The following DCP1B variants were observed in gnomAD, a reference collection of about 807,000 sequenced individuals.
DCP1B encodes the protein mRNA-decapping enzyme 1B.
DCP1B carries 47 observed loss-of-function variants against 60.5 expected under a neutral mutation model. The observed-to-expected ratio is 0.78, with a 90% CI of 0.61 to 0.99. DCP1B has a LOEUF of 0.99. Ranked by LOEUF, DCP1B falls within the 50% of genes least tolerant of loss-of-function variation. The pLI, the probability that DCP1B is intolerant of heterozygous loss-of-function variation, is 0.00. For synonymous variants in DCP1B, 267 were observed against 280.3 expected (o/e 0.95, Z 0.47); for missense variants, 725 against 756.8 (o/e 0.96, Z 0.49).
At chr12:1,987,581 T>A (rs1419352216) in intron 3 of DCP1B, among the ~76,000 whole-genome samples, 1 of 152,168 alleles carries the variant, frequency 6.6e-6, no homozygotes, top group Admixed American at 6.5e-5. Flanking sequence ...CTTTCTGCTC[T>A]CCATTTATTT....
intron 7 of DCP1B, 26 bp from the exon 8 acceptor site, chr12:1,949,360 A>AG: frequency 6.2e-7 from 1 of 1,607,782 alleles, no homozygotes; most frequent in Non-Finnish European, 8.5e-7. Context: ...ACACACAGAG[A>AG]GCGGGGTTCA....
intron 5 of DCP1B, among the ~76,000 whole-genome samples, chr12:1,964,648 A>G (rs1030247902): frequency 6.6e-6 from 1 of 152,170 alleles, no homozygotes; most frequent in Non-Finnish European, 1.5e-5. Context: ...AATGGCTACC[A>G]GTTGCCCCAA....
At chr12:1,974,202 T>C (rs536792020) in intron 3 of DCP1B, among the ~76,000 whole-genome samples, 2 of 152,124 alleles carry the variant, frequency 1.3e-5, no homozygotes, top group African/African-American at 2.4e-5. Context: ...ATTGCTAATA[T>C]CAATAATTAT....
Position 1,962,669 on chromosome 12 carries a change from AACACAAAATGAAT to A in DCP1B, c.522+2876_522+2888del, listed in dbSNP as rs755172329. Among the ~76,000 whole-genome samples the A allele has an allele frequency of 9.2e-5, 14 of 152,156 alleles. No individual in the cohort carries two copies. Among genetic ancestry groups the A allele is most frequent in the Non-Finnish European group, 1.8e-4 (12 of 68,032 alleles). On this transcript the variant is annotated intron_variant, in intron 5 of 8. Transcript: ENST00000280665. The surrounding 1 kb of genome is among the most constrained non-coding windows in gnomAD (Gnocchi z 4.4). ...TTAATGACTTTTGAAGAATTAAAAA[AACACAAAATGAAT>A]ACAGAATAGTTACTGTCTGAAGCTG... is the stretch of plus-strand genomic sequence containing the variant.
In DCP1B at chr12:1,971,223, TAA is replaced by T; in HGVS notation, c.320-3315_320-3314del. ...GGAGGTAAGAAACCCTAAAGTGAAA[TAA>T]AGAGTAGGAAGAACATGTTGAAATT... On this transcript the variant is annotated intron_variant, in intron 3 of 8. Transcript: ENST00000280665. The surrounding 1 kb of genome is among the most constrained non-coding windows in gnomAD (Gnocchi z 4.2). The T allele has an allele frequency of 7.9e-7, 1 of 1,258,822 alleles. No individual in the cohort carries two copies. Among genetic ancestry groups the T allele is most frequent in the Non-Finnish European group, 1.0e-6 (1 of 961,742 alleles). The allele number at this position is 1,258,822 out of a possible 1,614,324, so 78.0% of individuals were successfully genotyped here.
At chr12:1,996,436 T>C (rs1003959098) in intron 2 of DCP1B, among the ~76,000 whole-genome samples, 11 of 151,864 alleles carry the variant, frequency 7.2e-5, no homozygotes, top group African/African-American at 2.2e-4. Context: ...ATTCTTCCTG[T>C]TGAGACTGCC....
intron 6 of DCP1B, among the ~76,000 whole-genome samples, chr12:1,953,562 TCA>T (rs925572865): frequency 3.9e-5 from 6 of 152,172 alleles, no homozygotes; most frequent in African/African-American, 1.4e-4. Context: ...GCCTGGGGTT[TCA>T]CAGATTGGGA....
In DCP1B at chr12:1,946,105, A is replaced by T. The variant is rs2429179; in HGVS notation, c.*101T>A. 3.9e-3 allele frequency: 3,622 copies of T among 926,070 alleles called. 83 individuals carry two copies. The African/African-American group carries it at 0.061, about 16-fold the overall frequency. The allele number at this position is 926,070 out of a possible 1,614,324, so 57.4% of individuals were successfully genotyped here. A position where few individuals can be genotyped will look rare whatever the true frequency, so the allele number is the denominator to read the frequency against. ...TTCATATTACACATACTTTTTTTTT[A>T]AAAAAGGCAGAAACATTGAAGGAAA... On this transcript the variant is annotated 3_prime_UTR_variant, in exon 9 of 9. Transcript: ENST00000280665.
At position 1,949,017 on chromosome 12, in the gene DCP1B, A is replaced by G. The variant is rs2429182; in HGVS notation, c.1773+69T>C. Reference sequence around the variant, plus strand: ...CTAAGCAGGCCTTGGCTGAGTCTTTATCTCATAGTTGCAGCCAGGAGGCCA... The same window carrying G: ...CTAAGCAGGCCTTGGCTGAGTCTTTGTCTCATAGTTGCAGCCAGGAGGCCA... On this transcript the variant is annotated intron_variant, in intron 8 of 8. Transcript: ENST00000280665. 5,102 of 1,569,538 alleles carry G rather than the reference A, an allele frequency of 3.3e-3. 118 individuals are homozygous for G. The African/African-American group carries it at 0.058, about 18-fold the overall frequency.
At chr12:1,960,609 A>G (rs537683083) in intron 5 of DCP1B, among the ~76,000 whole-genome samples, 1 of 152,368 alleles carries the variant, frequency 6.6e-6, no homozygotes, top group South Asian at 2.1e-4. Context: ...GCACCCTATA[A>G]TATACATGCA....
rs2032050587 is a variant in DCP1B, at chr12:1,971,048, A to G, written c.320-3138T>C. ...TTTAAAAATCAACCAATTAATATAC[A>G]TCTGGAAATTCACAATGCTTCGAGC... On this transcript the variant is annotated intron_variant, in intron 3 of 8. Coordinates refer to ENST00000280665, the MANE Select transcript of DCP1B (RefSeq NM_152640.5). The surrounding 1 kb of genome is among the most constrained non-coding windows in gnomAD (Gnocchi z 4.2). The G allele has an allele frequency of 7.8e-7, 1 of 1,280,986 alleles. No homozygotes were observed. Among genetic ancestry groups the G allele is most frequent in the Non-Finnish European group, 1.0e-6 (1 of 983,750 alleles). 79.4% of individuals were successfully genotyped at this position (1,280,986 alleles called of 1,614,324 possible). A position where few individuals can be genotyped will look rare whatever the true frequency, so the allele number is the denominator to read the frequency against.
intron 8 of DCP1B, among the ~76,000 whole-genome samples, chr12:1,946,618 GAC>G (rs1411789113): frequency 2.0e-5 from 3 of 152,244 alleles, no homozygotes; most frequent in Non-Finnish European, 4.4e-5. Flanking sequence ...AGCCCCAGCA[GAC>G]AGAGGAGTTA....
At chr12:1,952,319 G>A (rs1197526811) in intron 7 of DCP1B, 97 bp downstream of exon 7, 24 of 1,402,640 alleles carry the variant, frequency 1.7e-5, no homozygotes, top group African/African-American at 1.3e-4. Context: ...TGCTATAGGC[G>A]TGTGACACCA....
intron 5 of DCP1B, among the ~76,000 whole-genome samples, chr12:1,963,464 G>T (rs976263764): frequency 6.6e-6 from 1 of 152,220 alleles, no homozygotes; most frequent in African/African-American, 2.4e-5. Flanking sequence ...AATTTTCAGA[G>T]GAAGGAGTTG....
intron 1 of DCP1B, among the ~76,000 whole-genome samples, chr12:2,003,556 AC>A (rs2042674899): frequency 6.6e-6 from 1 of 152,192 alleles, no homozygotes; most frequent in Admixed American, 6.5e-5. Flanking sequence ...CTAGGCTTCT[AC>A]CCCATTCTAA....
chr12:1,994,374 T>C (rs1297502123), intron 2 of DCP1B, among the ~76,000 whole-genome samples: 1 of 152,234 alleles, frequency 6.6e-6, no homozygotes, highest in Non-Finnish European at 1.5e-5. Flanking sequence ...TTACCTCTAT[T>C]TGATACTGAT....
At chr12:1,961,638 G>C (rs985158869) in intron 5 of DCP1B, among the ~76,000 whole-genome samples, 2 of 152,134 alleles carry the variant, frequency 1.3e-5, no homozygotes, top group Non-Finnish European at 2.9e-5. Flanking sequence ...TGTAATAAAT[G>C]AGGAAGAACA....
Position 1,985,955 on chromosome 12 carries a change from T to C in DCP1B, c.319+7309A>G, listed in dbSNP as rs564788125. Among the ~76,000 whole-genome samples the C allele has an allele frequency of 8.5e-3, 1,298 of 152,214 alleles. 9 individuals are homozygous for C. The highest frequency in any genetic ancestry group is 0.017 in the Middle Eastern group (5 of 294). ...CCTCCCAAGTAGCTGGGACTGCAGG[T>C]GCCTGCCACCACACTTGGCTAATTT... On this transcript the variant is annotated intron_variant, in intron 3 of 8. Coordinates refer to ENST00000280665, the MANE Select transcript of DCP1B (RefSeq NM_152640.5).
intron 5 of DCP1B, among the ~76,000 whole-genome samples, chr12:1,956,499 A>G (rs1329014269): frequency 6.6e-6 from 1 of 152,196 alleles, no homozygotes; most frequent in Non-Finnish European, 1.5e-5. Flanking sequence ...CTCTAATCCA[A>G]CGATCTGGGG....
Sources: gnomAD v4.1 joint callset for allele counts (sites outside exome capture counted in the v4.1 genomes callset) on GRCh38, gnomAD v4.1.1 for gene constraint, Gnocchi (gnomAD v3.1) non-coding constraint, MANE v1.5 for transcripts, NCBI Gene and HGNC (gene_info 2026-07-23, HGNC 2026-07-21) for gene names.